Variants in SPCS3 observed in about 807,000 individuals in gnomAD.
SPCS3 encodes signal peptidase complex subunit 3.
SPCS3 carries 9 observed loss-of-function variants against 17.2 expected under a neutral mutation model. That is an observed-to-expected ratio of 0.52 (90% CI 0.31 to 0.91). The LOEUF is 0.91. Among genes scored for constraint, SPCS3 ranks in the 40% least tolerant of loss-of-function variants. SPCS3 has a pLI of 0.04. For synonymous variants in SPCS3, 87 were observed against 89.6 expected (o/e 0.97, Z 0.16); for missense variants, 139 against 217.5 (o/e 0.64, Z 2.27).
chr4:176,328,763 T>C lies in SPCS3; in HGVS notation c.*433T>C, dbSNP rs1368388601. The C allele has an allele frequency of 6.6e-6, 1 of 152,224 alleles. No homozygotes were observed. The highest frequency in any genetic ancestry group is 2.4e-5 in the African/African-American group (1 of 41,462). The allele number at this position is 152,224 out of a possible 1,614,324, so 9.4% of individuals were successfully genotyped here. A position where few individuals can be genotyped will look rare whatever the true frequency, so the allele number is the denominator to read the frequency against. On this transcript the variant is annotated 3_prime_UTR_variant, in exon 5 of 5. Transcript: ENST00000503362. ...ATTGGATGTGATTTAAAAGTAGACA[T>C]TCTCTTTTTCCTCTTTTAGGATATG...
intron 3 of SPCS3, among the ~76,000 whole-genome samples, chr4:176,325,990 A>G (rs758787033): frequency 6.6e-6 from 1 of 152,178 alleles, no homozygotes; most frequent in Non-Finnish European, 1.5e-5. Flanking sequence ...ATTATGAATT[A>G]TAATTTGTGA....
At chr4:176,327,373 G>T (rs1731621220) in intron 4 of SPCS3, 96 bp downstream of exon 4, 1 of 749,140 alleles carries the variant, frequency 1.3e-6, no homozygotes, top group Non-Finnish European at 2.0e-6. Context: ...GAGAGTAAAA[G>T]GAGAAAAATT....
intron 1 of SPCS3, 196 bp downstream of exon 1, chr4:176,320,415 T>G: frequency 5.9e-6 from 2 of 340,018 alleles, no homozygotes; most frequent in Non-Finnish European, 1.0e-5. Flanking sequence ...CCCTCGGAAC[T>G]TGCACCCCTC....
intron 3 of SPCS3, among the ~76,000 whole-genome samples, chr4:176,326,477 A>G (rs1291849405): frequency 6.6e-6 from 1 of 152,152 alleles, no homozygotes; most frequent in Non-Finnish European, 1.5e-5. Context: ...TAATTTTCTA[A>G]ATGGAACTTA....
At chr4:176,325,789 G>T (rs1731598528) in intron 3 of SPCS3, among the ~76,000 whole-genome samples, 1 of 151,786 alleles carries the variant, frequency 6.6e-6, no homozygotes, top group African/African-American at 2.4e-5. Flanking sequence ...TGTTGTCCAG[G>T]CTGGAGTACA....
chr4:176,323,654 T>C (rs562255760), intron 2 of SPCS3, among the ~76,000 whole-genome samples: 3 of 152,302 alleles, frequency 2.0e-5, no homozygotes, highest in African/African-American at 4.8e-5. Context: ...TGAGCCACAT[T>C]GGTGTCATTT....
In SPCS3 at chr4:176,329,387, ATCT is replaced by A. The variant is rs1291379384; in HGVS notation, c.*1061_*1063del. The A allele has an allele frequency of 5.3e-5, 8 of 152,122 alleles. No individual in the cohort carries two copies. The highest frequency in any genetic ancestry group is 1.9e-4 in the African/African-American group (8 of 41,444). The allele number at this position is 152,122 out of a possible 1,614,324, so 9.4% of individuals were successfully genotyped here. A position where few individuals can be genotyped will look rare whatever the true frequency, so the allele number is the denominator to read the frequency against. ...GAGTGGAATTAAAACTTGAACTCAGATCTTCTAATTTTCTGAGCTCATCCTTTC... is the reference window on the plus strand; with the variant it reads ...GAGTGGAATTAAAACTTGAACTCAGATCTAATTTTCTGAGCTCATCCTTTC... On this transcript the variant is annotated 3_prime_UTR_variant, in exon 5 of 5. Transcript: ENST00000503362.
chr4:176,321,620 T>C (rs1279064487), intron 1 of SPCS3: 3 of 152,268 alleles, frequency 2.0e-5, no homozygotes, highest in African/African-American at 7.2e-5. Flanking sequence ...TTAAGCACAA[T>C]AAGAGATTAA....
chr4:176,329,906 G>A lies in SPCS3; in HGVS notation c.*1576G>A, dbSNP rs114816648. ...TTTAATTACATTAATTTTAACATCT[G>A]TTGTGTGGAGTTGTATAGTTCATGC... On this transcript the variant is annotated 3_prime_UTR_variant, in exon 5 of 5. Coordinates refer to ENST00000503362, the MANE Select transcript of SPCS3 (RefSeq NM_021928.4). 2.5e-3 allele frequency: 380 copies of A among 152,230 alleles called. 2 individuals are homozygous for A. The highest frequency in any genetic ancestry group is 8.7e-3 in the African/African-American group (363 of 41,562). 9.4% of individuals were successfully genotyped at this position (152,230 alleles called of 1,614,324 possible). A position where few individuals can be genotyped will look rare whatever the true frequency, so the allele number is the denominator to read the frequency against.
intron 3 of SPCS3, among the ~76,000 whole-genome samples, chr4:176,325,244 C>T (rs543665740): frequency 2.0e-5 from 3 of 151,616 alleles, no homozygotes; most frequent in South Asian, 4.2e-4. Context: ...TTAGTAGAGA[C>T]GGTTTCACCA....
rs763621659 is a variant in SPCS3, at chr4:176,322,136, G to T, written c.144-34G>T. On this transcript the variant is annotated intron_variant, in intron 1 of 4. Transcript: ENST00000503362. The stretch of plus-strand genomic sequence containing the variant: ...TTACGTGAATTGTGTATGTTCTGTT[G>T]GAAGGATGGTAAAACTTTTATCTTT... The T allele has an allele frequency of 9.4e-6, 13 of 1,383,964 alleles. No individual in the cohort carries two copies. In the Admixed American group the frequency reaches 2.2e-4, roughly 24 times the overall value. The allele number at this position is 1,383,964 out of a possible 1,614,324, so 85.7% of individuals were successfully genotyped here. A position where few individuals can be genotyped will look rare whatever the true frequency, so the allele number is the denominator to read the frequency against.
intron 1 of SPCS3, 84 bp downstream of exon 1, chr4:176,320,303 C>T (rs889386028): frequency 1.7e-6 from 2 of 1,206,102 alleles, no homozygotes; most frequent in Non-Finnish European, 2.1e-6. Context: ...CCGGGGCTGC[C>T]GTGCCGGGGC....
chr4:176,326,269 C>G (rs1480110798), intron 3 of SPCS3, among the ~76,000 whole-genome samples: 4 of 151,894 alleles, frequency 2.6e-5, no homozygotes, highest in Non-Finnish European at 4.4e-5. Flanking sequence ...CCATTGTACT[C>G]CACCCTGGTT....
chr4:176,328,396 T>C lies in SPCS3; in HGVS notation c.*66T>C. 3 of 1,306,486 alleles carry C rather than the reference T, an allele frequency of 2.3e-6. No homozygotes were observed. The highest frequency in any genetic ancestry group is 3.0e-6 in the Non-Finnish European group (3 of 996,164). The allele number at this position is 1,306,486 out of a possible 1,614,324, so 80.9% of individuals were successfully genotyped here. A position where few individuals can be genotyped will look rare whatever the true frequency, so the allele number is the denominator to read the frequency against. On this transcript the variant is annotated 3_prime_UTR_variant, in exon 5 of 5. Transcript: ENST00000503362. ...AATTGTATCTCATTAATCTCTTCCC[T>C]TACATCTTCATGTATTGTTGGTTTG...
chr4:176,331,679 C>G lies in SPCS3; in HGVS notation c.*3349C>G, dbSNP rs561610639. Reference sequence around the variant, plus strand: ...TCTTGGCTTACTGCAACCTCCACCCCCCAGGTTCAAGCGATTCTCCTGCCT... The same window carrying G: ...TCTTGGCTTACTGCAACCTCCACCCGCCAGGTTCAAGCGATTCTCCTGCCT... On this transcript the variant is annotated 3_prime_UTR_variant, in exon 5 of 5. Coordinates refer to ENST00000503362, the MANE Select transcript of SPCS3 (RefSeq NM_021928.4). 9 of 152,222 alleles carry G rather than the reference C, an allele frequency of 5.9e-5. No homozygotes were observed. Among genetic ancestry groups the G allele is most frequent in the Admixed American group, 2.6e-4 (4 of 15,284 alleles). The allele number at this position is 152,222 out of a possible 1,614,324, so 9.4% of individuals were successfully genotyped here. A position where few individuals can be genotyped will look rare whatever the true frequency, so the allele number is the denominator to read the frequency against.
Position 176,320,142 on chromosome 4 carries a change from C to A in SPCS3, c.66C>A (p.Leu22=). Residue 22 remains leucine (L), a synonymous_variant, in exon 1 of 5, where the codon CTC becomes CTA. Coordinates refer to ENST00000503362, the MANE Select transcript of SPCS3 (RefSeq NM_021928.4). ...FAFSLSVMAA[L]TFGCFITTAF... is the part of the protein sequence containing the mutation. ...TCTCGCTGAGCGTGATGGCGGCGCT[C>A]ACCTTCGGCTGCTTCATCACCACCG... 2 of 1,583,696 alleles carry A rather than the reference C, an allele frequency of 1.3e-6. No individual in the cohort carries two copies. The highest frequency in any genetic ancestry group is 1.7e-6 in the Non-Finnish European group (2 of 1,166,060).
At position 176,332,170 on chromosome 4, in the gene SPCS3, T is replaced by C. The variant is rs937587541; in HGVS notation, c.*3840T>C. 11 of 152,404 alleles carry C rather than the reference T, an allele frequency of 7.2e-5. No individual in the cohort carries two copies. Among genetic ancestry groups the C allele is most frequent in the African/African-American group, 2.4e-4 (10 of 41,598 alleles). The allele number at this position is 152,404 out of a possible 1,614,324, so 9.4% of individuals were successfully genotyped here. ...CTTTGAGGGCAGTCTGTCAGATTTA[T>C]CTTTGTATCTTCCCCAGCGCCTAGT... is the stretch of plus-strand genomic sequence containing the variant. On this transcript the variant is annotated 3_prime_UTR_variant, in exon 5 of 5. Coordinates refer to ENST00000503362, the MANE Select transcript of SPCS3 (RefSeq NM_021928.4).
intron 3 of SPCS3, 55 bp downstream of exon 3, chr4:176,324,312 C>A (rs533096025): frequency 3.8e-6 from 3 of 790,142 alleles, no homozygotes; most frequent in African/African-American, 3.7e-5. Flanking sequence ...TTACTCTTTA[C>A]GAAAGAATAC....
rs761956951 is a variant in SPCS3 at position 176,320,034 on chromosome 4, C to T, written c.-43C>T. The T allele has an allele frequency of 5.4e-6, 8 of 1,476,884 alleles. No individual in the cohort carries two copies. In the Admixed American group the frequency reaches 1.7e-4, roughly 31 times the overall value. The allele number at this position is 1,476,884 out of a possible 1,614,324, so 91.5% of individuals were successfully genotyped here. A position where few individuals can be genotyped will look rare whatever the true frequency, so the allele number is the denominator to read the frequency against. On this transcript the variant is annotated 5_prime_UTR_variant, in exon 1 of 5. Transcript: ENST00000503362. ...GCCGGTCCGCCGCCGGAACGGGAGC[C>T]TGGGTGTGCGTGTGGAGTCCGGACT...
Sources: gnomAD v4.1 joint callset for allele counts (sites outside exome capture counted in the v4.1 genomes callset) on GRCh38, gnomAD v4.1.1 for gene constraint, MANE v1.5 for transcripts, NCBI Gene and HGNC (gene_info 2026-07-23, HGNC 2026-07-21) for gene names.